Variants in GRM7 observed in about 807,000 individuals in gnomAD.
The protein encoded by GRM7 is metabotropic glutamate receptor 7.
Under a neutral mutation model 84.5 loss-of-function variants are expected in GRM7, and 35 were observed. The ratio of observed to expected loss-of-function variants is 0.41; its 90% CI spans 0.32 to 0.55. The LOEUF (loss-of-function observed/expected upper bound fraction) is 0.55. Among genes scored for constraint, GRM7 ranks in the 20% least tolerant of loss-of-function variants. The probability of loss-of-function intolerance (pLI) is 0.19; values close to 1 mark genes in which losing one functional copy is unlikely to be tolerated. For missense variants in GRM7, 1,003 were observed against 1,194.6 expected (o/e 0.84, Z 2.36); for synonymous variants, 487 against 455.1 (o/e 1.07, Z -0.89).
At chr3:6,991,622 T>G (rs2124856475) in intron 1 of GRM7, among the ~76,000 whole-genome samples, 1 of 152,294 alleles carries the variant, frequency 6.6e-6, no homozygotes, top group African/African-American at 2.4e-5. Context: ...TTTTAAATTT[T>G]TTTCCAACTT....
intron 1 of GRM7, among the ~76,000 whole-genome samples, chr3:7,060,363 A>G (rs1697393983): frequency 1.3e-5 from 2 of 151,816 alleles, no homozygotes; most frequent in Admixed American, 6.6e-5. Context: ...GGGTGGGGCT[A>G]TATGTCTAGT....
chr3:7,410,925 G>T (rs1444215890), intron 4 of GRM7, among the ~76,000 whole-genome samples: 3 of 152,100 alleles, frequency 2.0e-5, no homozygotes, highest in Non-Finnish European at 2.9e-5. Context: ...GGTTCTGGGG[G>T]CCAGAAATCC....
At chr3:7,464,965 C>T (rs2124913649) in intron 7 of GRM7, among the ~76,000 whole-genome samples, 1 of 152,260 alleles carries the variant, frequency 6.6e-6, no homozygotes, top group African/African-American at 2.4e-5. Context: ...CACTGCACTC[C>T]AGCCCTGGCG....
chr3:7,220,893 C>T (rs190719621), intron 2 of GRM7, among the ~76,000 whole-genome samples: 7 of 152,246 alleles, frequency 4.6e-5, no homozygotes, highest in Non-Finnish European at 7.4e-5. Flanking sequence ...AGGAGTTTGG[C>T]ACCAGCCTGA....
intron 2 of GRM7, among the ~76,000 whole-genome samples, chr3:7,295,889 G>A (rs1699797708): frequency 6.6e-6 from 1 of 152,020 alleles, no homozygotes; most frequent in South Asian, 2.1e-4. Flanking sequence ...TTTGAAACAT[G>A]TATATAGTTT....
At chr3:7,317,677 A>T (rs1039012566) in intron 4 of GRM7, among the ~76,000 whole-genome samples, 1 of 152,066 alleles carries the variant, frequency 6.6e-6, no homozygotes, top group East Asian at 1.9e-4. Flanking sequence ...TTGATAGTCT[A>T]TTCTAGTGCT....
intron 9 of GRM7, 72 bp downstream of exon 9, chr3:7,680,367 G>T (rs569161484): frequency 6.7e-6 from 10 of 1,498,232 alleles, no homozygotes; most frequent in Non-Finnish European, 9.2e-6. Flanking sequence ...GGGTGTGCTT[G>T]CCTCTCTGGA....
chr3:7,456,260 C>G (rs1185582412), intron 6 of GRM7, among the ~76,000 whole-genome samples: 3 of 151,874 alleles, frequency 2.0e-5, no homozygotes, highest in African/African-American at 4.8e-5. Context: ...CCTGATTCTT[C>G]TTTTAGAGAA....
intron 9 of GRM7, among the ~76,000 whole-genome samples, chr3:7,698,722 C>G (rs1701113360): frequency 6.6e-6 from 1 of 152,076 alleles, no homozygotes; most frequent in Non-Finnish European, 1.5e-5. Flanking sequence ...TGACTTCCAC[C>G]CCAATGCTGA....
At chr3:7,007,746 G>C (rs960931060) in intron 1 of GRM7, among the ~76,000 whole-genome samples, 1 of 152,166 alleles carries the variant, frequency 6.6e-6, no homozygotes, top group Non-Finnish European at 1.5e-5. Context: ...AAGTTCATCT[G>C]TAGATTGTTT....
At chr3:7,659,815 T>A (rs1699357308) in intron 8 of GRM7, among the ~76,000 whole-genome samples, 1 of 152,196 alleles carries the variant, frequency 6.6e-6, no homozygotes, top group African/African-American at 2.4e-5. Context: ...TTTCCTATTC[T>A]AGTCTCTTGG....
At chr3:7,214,534 T>G (rs1696538523) in intron 2 of GRM7, among the ~76,000 whole-genome samples, 2 of 152,254 alleles carry the variant, frequency 1.3e-5, no homozygotes, top group Non-Finnish European at 1.5e-5. Context: ...CTTTGCTTCA[T>G]GCCTGGCATA....
At chr3:7,138,938 G>A (rs1693855447) in intron 1 of GRM7, among the ~76,000 whole-genome samples, 1 of 150,748 alleles carries the variant, frequency 6.6e-6, no homozygotes, top group East Asian at 1.9e-4. Context: ...AATGACAAGT[G>A]TAGGCACATT....
chr3:6,898,644 C>T (rs1696275657), intron 1 of GRM7, among the ~76,000 whole-genome samples: 1 of 151,916 alleles, frequency 6.6e-6, no homozygotes, highest in South Asian at 2.1e-4. Flanking sequence ...AAAGATACCT[C>T]CCAAAAATAG....
At chr3:7,272,377 A>G (rs1320179260) in intron 2 of GRM7, among the ~76,000 whole-genome samples, 1 of 152,174 alleles carries the variant, frequency 6.6e-6, no homozygotes, top group Non-Finnish European at 1.5e-5. Flanking sequence ...GTCAGTGCTG[A>G]GTATGTGTCA....
At chr3:6,950,218 G>T (rs542564951) in intron 1 of GRM7, among the ~76,000 whole-genome samples, 62 of 152,290 alleles carry the variant, frequency 4.1e-4, no homozygotes, top group African/African-American at 1.3e-3. Flanking sequence ...TGATGGTGAT[G>T]TACAGATGGG....
intron 1 of GRM7, among the ~76,000 whole-genome samples, chr3:6,958,146 C>T (rs975902252): frequency 7.9e-5 from 12 of 151,796 alleles, no homozygotes; most frequent in African/African-American, 2.7e-4. Flanking sequence ...TCAAATTTAC[C>T]ACCCCCAAAG....
At chr3:6,868,156 C>T (rs990787787) in intron 1 of GRM7, among the ~76,000 whole-genome samples, 8 of 152,256 alleles carry the variant, frequency 5.3e-5, no homozygotes, top group Admixed American at 2.6e-4. Context: ...ATATTCTCAT[C>T]CCATTGTTCA....
chr3:7,691,139 C>T (rs1292108016), intron 9 of GRM7: 4 of 474,898 alleles, frequency 8.4e-6, no homozygotes, highest in South Asian at 6.4e-5. Flanking sequence ...ATCTAAATGA[C>T]TATTCTCATG....
Sources: gnomAD v4.1 joint callset for allele counts (sites outside exome capture counted in the v4.1 genomes callset) on GRCh38, gnomAD v4.1.1 for gene constraint, MANE v1.5 for transcripts, NCBI Gene and HGNC (gene_info 2026-07-23, HGNC 2026-07-21) for gene names.